Variants in B3GALT1 observed in about 807,000 individuals in gnomAD.
B3GALT1 encodes UDP-Gal:betaGlcNAc beta 1,3-galactosyltransferase, polypeptide 1.
In B3GALT1, 10 loss-of-function variants were observed where a neutral mutation model predicts 23.2. The ratio of observed to expected loss-of-function variants is 0.43; its 90% confidence interval spans 0.27 to 0.73. B3GALT1 has a LOEUF of 0.73. Among genes scored for constraint, B3GALT1 ranks in the 30% least tolerant of loss-of-function variants. The pLI is 0.21. For synonymous variants in B3GALT1, 156 were observed against 141.5 expected, an observed-to-expected ratio of 1.10 and a Z score of -0.73; for missense variants, 299 against 405.4, an observed-to-expected ratio of 0.74 and a Z score of 2.25.
At position 167,636,629 on chromosome 2, in the gene B3GALT1, T is replaced by C. The variant is rs1051181762; in HGVS notation, c.-409-10280T>C. Among the ~76,000 whole-genome samples, 4 of 152,256 alleles carry C rather than the reference T, an allele frequency of 2.6e-5. No homozygotes were observed. In the East Asian group the frequency reaches 7.7e-4, roughly 29 times the overall value. On this transcript the variant is annotated intron_variant, in intron 2 of 4. Transcript: ENST00000392690. ...GACTGGATAAAGAAAATGTGACATA[T>C]ATACACCATGGAATACTATGCAGTC... is the stretch of plus-strand genomic sequence containing the variant.
At chr2:167,769,280 T>C (rs1688031169) in intron 3 of B3GALT1, among the ~76,000 whole-genome samples, 1 of 152,164 alleles carries the variant, frequency 6.6e-6, no homozygotes, top group South Asian at 2.1e-4. Context: ...GCAAGAAATA[T>C]GACTAAAGCC....
At chr2:167,348,936 T>A (rs968758113) in intron 1 of B3GALT1, among the ~76,000 whole-genome samples, 5 of 152,186 alleles carry the variant, frequency 3.3e-5, no homozygotes, top group African/African-American at 1.2e-4. Flanking sequence ...GCTTGATTAA[T>A]CTTTTGTGTA....
At chr2:167,346,673 G>A (rs1574042109) in intron 1 of B3GALT1, among the ~76,000 whole-genome samples, 1 of 151,772 alleles carries the variant, frequency 6.6e-6, no homozygotes, top group South Asian at 2.1e-4. Flanking sequence ...ATTTTCTTTG[G>A]GTGTGTAAAA....
chr2:167,805,288 T>C (rs1411559839), intron 3 of B3GALT1, among the ~76,000 whole-genome samples: 1 of 152,110 alleles, frequency 6.6e-6, no homozygotes, highest in Non-Finnish European at 1.5e-5. Context: ...GCCTGTTCAC[T>C]CTGATGGTAG....
intron 1 of B3GALT1, among the ~76,000 whole-genome samples, chr2:167,475,951 GGCATTCTTTCTGTGT>G (rs1229490288): frequency 6.6e-6 from 1 of 152,122 alleles, no homozygotes; most frequent in Non-Finnish European, 1.5e-5. Flanking sequence ...ATTGTCACAA[GGCATTCTTTCTGTGT>G]GCATGTCTGT....
chr2:167,620,022 G>T (rs1685228437), intron 2 of B3GALT1, among the ~76,000 whole-genome samples: 1 of 152,072 alleles, frequency 6.6e-6, no homozygotes, highest in Non-Finnish European at 1.5e-5. Flanking sequence ...ATTAACAGGA[G>T]GCACCTACTT....
intron 1 of B3GALT1, among the ~76,000 whole-genome samples, chr2:167,481,531 T>G (rs2105336507): frequency 6.7e-6 from 1 of 150,122 alleles, no homozygotes; most frequent in South Asian, 2.2e-4. Flanking sequence ...TTCCAAAATG[T>G]TTCAACACGG....
At chr2:167,468,739 G>A (rs1269339840) in intron 1 of B3GALT1, among the ~76,000 whole-genome samples, 1 of 152,160 alleles carries the variant, frequency 6.6e-6, no homozygotes, top group Non-Finnish European at 1.5e-5. Context: ...GGGCATTGTG[G>A]CACATGCCTG....
chr2:167,511,531 C>T (rs1212780559), intron 2 of B3GALT1, among the ~76,000 whole-genome samples: 1 of 152,160 alleles, frequency 6.6e-6, no homozygotes, highest in African/African-American at 2.4e-5. Flanking sequence ...AACCTCTTTT[C>T]TTTATAAATT....
At chr2:167,629,708 C>T (rs1203358850) in intron 2 of B3GALT1, among the ~76,000 whole-genome samples, 1 of 151,676 alleles carries the variant, frequency 6.6e-6, no homozygotes, top group African/African-American at 2.4e-5. Flanking sequence ...CCCTAAGACG[C>T]ATTAGAATAA....
In B3GALT1 at chr2:167,691,052, C is replaced by T. The variant is rs531915314; in HGVS notation, c.-352+44086C>T. On this transcript the variant is annotated intron_variant, in intron 3 of 4. Coordinates refer to ENST00000392690, the MANE Select transcript of B3GALT1 (RefSeq NM_020981.4). ...TTAATTATTTAAAATATACAAAATA[C>T]CAGAACATTTGAATATAAATAATTG... Among the ~76,000 whole-genome samples, 6 of 151,992 alleles carry T rather than the reference C, an allele frequency of 3.9e-5. No individual in the cohort carries two copies. In the South Asian group the frequency reaches 1.2e-3, roughly 32 times the overall value.
intron 1 of B3GALT1, among the ~76,000 whole-genome samples, chr2:167,415,360 C>A (rs1698452876): frequency 6.6e-6 from 1 of 152,284 alleles, no homozygotes; most frequent in South Asian, 2.1e-4. Context: ...AGAAGGCCCT[C>A]CCTGATGTGG....
chr2:167,681,833 A>G (rs1246494643), intron 3 of B3GALT1, among the ~76,000 whole-genome samples: 6 of 152,210 alleles, frequency 3.9e-5, no homozygotes, highest in Non-Finnish European at 7.3e-5. Flanking sequence ...AAGAGGATAC[A>G]CAAAGCCTTT....
intron 1 of B3GALT1, among the ~76,000 whole-genome samples, chr2:167,325,480 AACTT>A (rs1198465815): frequency 6.6e-6 from 1 of 151,862 alleles, no homozygotes; most frequent in African/African-American, 2.4e-5. Context: ...ATTTCACAAT[AACTT>A]ACTCTCACCA....
chr2:167,296,454 C>T (rs1696351299), intron 1 of B3GALT1, among the ~76,000 whole-genome samples: 1 of 152,118 alleles, frequency 6.6e-6, no homozygotes, highest in East Asian at 1.9e-4. Flanking sequence ...AGTTCATTCT[C>T]ATTTTTTCTT....
chr2:167,383,855 TG>T (rs1407796036), intron 1 of B3GALT1, among the ~76,000 whole-genome samples: 1 of 152,254 alleles, frequency 6.6e-6, no homozygotes, highest in East Asian at 1.9e-4. Flanking sequence ...ATTTCCCTAA[TG>T]TAGCTTCTTC....
chr2:167,705,664 A>G (rs1686955957), intron 3 of B3GALT1, among the ~76,000 whole-genome samples: 1 of 152,166 alleles, frequency 6.6e-6, no homozygotes, highest in African/African-American at 2.4e-5. Flanking sequence ...TATATAATAG[A>G]CCCACATACT....
chr2:167,663,737 T>C (rs1686116505), intron 3 of B3GALT1, among the ~76,000 whole-genome samples: 1 of 152,022 alleles, frequency 6.6e-6, no homozygotes, highest in Non-Finnish European at 1.5e-5. Flanking sequence ...TTTCATGTGT[T>C]TTTTGGCTGC....
At chr2:167,444,697 G>A (rs1698952765) in intron 1 of B3GALT1, among the ~76,000 whole-genome samples, 2 of 152,106 alleles carry the variant, frequency 1.3e-5, no homozygotes, top group Non-Finnish European at 2.9e-5. Context: ...GTATTACTGT[G>A]GGATTGGTGG....
Sources: allele counts gnomAD v4.1 joint callset (sites outside exome capture counted in the v4.1 genomes callset), GRCh38; gene constraint gnomAD v4.1.1; transcripts MANE v1.5; gene names NCBI Gene and HGNC (gene_info 2026-07-23, HGNC 2026-07-21).